Variants in NR5A2 observed in about 807,000 individuals in gnomAD.
NR5A2 encodes CYP7A promoter-binding factor.
In NR5A2, 26 loss-of-function variants were observed where a neutral mutation model predicts 62.7. That is an observed-to-expected ratio of 0.41 (90% CI 0.30 to 0.58). The LOEUF is 0.58. NR5A2 is among the 20% of genes least tolerant of loss of function. The probability of loss-of-function intolerance (pLI) is 0.22; values close to 1 mark genes in which losing one functional copy is unlikely to be tolerated. For synonymous variants in NR5A2, 246 were observed against 241.7 expected (o/e 1.02, Z -0.16); for missense variants, 541 against 669.1 (o/e 0.81, Z 2.11).
At chr1:200,041,256 C>T (rs1018793630) in intron 2 of NR5A2, among the ~76,000 whole-genome samples, 3 of 152,176 alleles carry the variant, frequency 2.0e-5, no homozygotes, top group Non-Finnish European at 4.4e-5. Flanking sequence ...TTATTGGTAA[C>T]GTTTTCTTTG....
intron 7 of NR5A2, among the ~76,000 whole-genome samples, chr1:200,168,671 A>G (rs1388584083): frequency 6.6e-6 from 1 of 152,204 alleles, no homozygotes; most frequent in Non-Finnish European, 1.5e-5. Flanking sequence ...AACTGGAGAC[A>G]GAATCTCAGT....
chr1:200,173,847 T>G, intron 7 of NR5A2, 116 bp from the exon 8 acceptor site: 1 of 1,084,674 alleles, frequency 9.2e-7, no homozygotes, highest in Non-Finnish European at 1.2e-6. Context: ...CAGCAGCATG[T>G]AAAGTATGTT....
At chr1:200,088,376 G>A (rs536004080) in intron 5 of NR5A2, among the ~76,000 whole-genome samples, 57 of 152,134 alleles carry the variant, frequency 3.7e-4, no homozygotes, top group African/African-American at 1.3e-3. Context: ...TCCTGCCTCC[G>A]CCTCCTGAGT....
intron 7 of NR5A2, among the ~76,000 whole-genome samples, chr1:200,173,745 A>C (rs1291770003): frequency 6.6e-6 from 1 of 152,150 alleles, no homozygotes; most frequent in Non-Finnish European, 1.5e-5. Flanking sequence ...AATTGATTTG[A>C]GGTATATGCA....
chr1:200,040,258 T>A (rs1384924353), intron 2 of NR5A2, among the ~76,000 whole-genome samples: 5 of 152,120 alleles, frequency 3.3e-5, no homozygotes, highest in Admixed American at 6.5e-5. Flanking sequence ...AAGGATTGTC[T>A]TAGCGCTATT....
chr1:200,174,239 A>C lies in NR5A2; in HGVS notation c.*29A>C, dbSNP rs1269701334. The C allele has an allele frequency of 6.7e-7, 1 of 1,503,750 alleles. No individual in the cohort carries two copies. 93.2% of individuals were successfully genotyped at this position (1,503,750 alleles called of 1,614,324 possible). ...ACAACCCCTAGGAGCTCTGCTTTCA[A>C]AACAAAAAGAGATTGGGGGAGTGGG... is the stretch of plus-strand genomic sequence containing the variant. On this transcript the variant is annotated 3_prime_UTR_variant, in exon 8 of 8. Coordinates refer to ENST00000367362, the MANE Select transcript of NR5A2 (RefSeq NM_205860.3).
intron 5 of NR5A2, among the ~76,000 whole-genome samples, chr1:200,059,626 AACACATAC>A (rs750972989): frequency 6.6e-6 from 1 of 152,142 alleles, no homozygotes; most frequent in Non-Finnish European, 1.5e-5. Flanking sequence ...GAATAAGTTA[AACACATAC>A]ACACATGCAC....
chr1:200,161,068 T>G (rs1571575714), intron 7 of NR5A2, among the ~76,000 whole-genome samples: 1 of 152,062 alleles, frequency 6.6e-6, no homozygotes, highest in South Asian at 2.1e-4. Context: ...TGGGAGCAGA[T>G]GGTCTTTAGC....
intron 5 of NR5A2, among the ~76,000 whole-genome samples, chr1:200,056,310 A>T (rs1175512110): frequency 6.6e-6 from 1 of 152,142 alleles, no homozygotes; most frequent in African/African-American, 2.4e-5. Context: ...TACTGTGGGG[A>T]TGTGTATTGT....
chr1:200,066,856 G>A (rs1663503644), intron 5 of NR5A2, among the ~76,000 whole-genome samples: 1 of 152,192 alleles, frequency 6.6e-6, no homozygotes, highest in Non-Finnish European at 1.5e-5. Context: ...GGGATTACAG[G>A]CGTGAGCCCC....
intron 7 of NR5A2, among the ~76,000 whole-genome samples, chr1:200,172,497 T>C (rs1243245172): frequency 6.6e-6 from 1 of 152,214 alleles, no homozygotes; most frequent in African/African-American, 2.4e-5. Context: ...TGTTTGAGTC[T>C]GCCATCTCAC....
intron 3 of NR5A2, 106 bp downstream of exon 3, chr1:200,043,998 C>G: frequency 1.5e-6 from 1 of 681,606 alleles, no homozygotes; most frequent in Non-Finnish European, 2.6e-6. Context: ...AAAGACTCAA[C>G]TAAAAATGAG....
At chr1:200,097,906 A>G (rs954349620) in intron 5 of NR5A2, among the ~76,000 whole-genome samples, 1 of 152,208 alleles carries the variant, frequency 6.6e-6, no homozygotes, top group Non-Finnish European at 1.5e-5. Flanking sequence ...CAGACAGTGC[A>G]AAAGAGCTAG....
At chr1:200,119,634 C>CTT (rs550490739) in intron 6 of NR5A2, among the ~76,000 whole-genome samples, 5 of 149,896 alleles carry the variant, frequency 3.3e-5, no homozygotes, top group Non-Finnish European at 5.9e-5. Flanking sequence ...CCTAGCAACA[C>CTT]TTTTTTTTTT....
At chr1:200,172,364 C>A (rs921355751) in intron 7 of NR5A2, among the ~76,000 whole-genome samples, 5 of 152,088 alleles carry the variant, frequency 3.3e-5, no homozygotes, top group Non-Finnish European at 1.5e-5. Context: ...CTGTAAAGTG[C>A]CGCATGGGTA....
intron 5 of NR5A2, among the ~76,000 whole-genome samples, chr1:200,095,066 A>G (rs1486110887): frequency 6.6e-6 from 1 of 152,022 alleles, no homozygotes; most frequent in African/African-American, 2.4e-5. Flanking sequence ...GATGGTCACA[A>G]TGAGGAAGAG....
chr1:200,064,952 T>C (rs1377531395), intron 5 of NR5A2, among the ~76,000 whole-genome samples: 2 of 152,070 alleles, frequency 1.3e-5, no homozygotes, highest in African/African-American at 4.8e-5. Context: ...AAATTATTTA[T>C]TTATTTATTT....
chr1:200,100,626 C>T (rs780245179), intron 5 of NR5A2, among the ~76,000 whole-genome samples: 3 of 152,126 alleles, frequency 2.0e-5, no homozygotes, highest in Non-Finnish European at 4.4e-5. Context: ...AGGACCAAAT[C>T]GTCTTGGCTC....
intron 6 of NR5A2, among the ~76,000 whole-genome samples, chr1:200,119,670 AG>A (rs1345610542): frequency 6.6e-6 from 1 of 151,960 alleles, no homozygotes; most frequent in Non-Finnish European, 1.5e-5. Context: ...TTCTTCCCCC[AG>A]GCTGGAGTGC....
Sources: gnomAD v4.1 joint callset for allele counts (sites outside exome capture counted in the v4.1 genomes callset) on GRCh38, gnomAD v4.1.1 for gene constraint, MANE v1.5 for transcripts, NCBI Gene and HGNC (gene_info 2026-07-23, HGNC 2026-07-21) for gene names.